Variants in NRXN1 observed in about 807,000 individuals in gnomAD.
NRXN1 encodes the protein neurexin 1.
A neutral mutation model predicts 150.9 loss-of-function variants in NRXN1; 39 were observed. The observed-to-expected ratio is 0.26, with a 90% CI of 0.20 to 0.34. The LOEUF (loss-of-function observed/expected upper bound fraction) is 0.34, where lower values mean the gene tolerates loss of function less well. Among genes scored for constraint, NRXN1 ranks in the 10% least tolerant of loss-of-function variants. The pLI, the probability that NRXN1 is intolerant of heterozygous loss-of-function variation, is 1.00. For missense variants in NRXN1, 1,815 were observed against 1,949.9 expected (o/e 0.93, Z 1.30); for synonymous variants, 924 against 757.0 (o/e 1.22, Z -3.62).
At position 50,618,103 on chromosome 2, in the gene NRXN1, T is replaced by C. The variant is rs140780831; in HGVS notation, c.1320+1919A>G. Among the ~76,000 whole-genome samples, 667 of 152,296 alleles carry C rather than the reference T, an allele frequency of 4.4e-3. 5 individuals carry two copies. Among genetic ancestry groups the C allele is most frequent in the Non-Finnish European group, 7.7e-3 (527 of 68,032 alleles). On this transcript the variant is annotated intron_variant, in intron 8 of 22. Coordinates refer to ENST00000401669, the MANE Select transcript of NRXN1 (RefSeq NM_001330078.2). ...CAATCTAAGCAGGATTACTCTTCTC[T>C]GTATAAAGCAGGATGTAGGGACTGA...
chr2:50,259,230 C>T lies in NRXN1; in HGVS notation c.3365-22260G>A, dbSNP rs373953003. Among the ~76,000 whole-genome samples, 15 of 152,064 alleles carry T rather than the reference C, an allele frequency of 9.9e-5. No homozygotes were observed. The South Asian group carries it at 2.7e-3, about 27-fold the overall frequency. ...AAACTATATAAAGCTGTTTTGTCTACACTGAAAATCTATTGAGTATAGTCA... is the reference window on the plus strand; with the variant it reads ...AAACTATATAAAGCTGTTTTGTCTATACTGAAAATCTATTGAGTATAGTCA... On this transcript the variant is annotated intron_variant, in intron 17 of 22. Transcript: ENST00000401669.
intron 17 of NRXN1, among the ~76,000 whole-genome samples, chr2:50,258,799 T>C (rs2067969148): frequency 1.3e-5 from 2 of 152,042 alleles, no homozygotes; most frequent in South Asian, 4.1e-4. Context: ...GGTTATAAAA[T>C]AGAAGTGTTA....
At chr2:51,025,057 T>G (rs1223882551) in intron 2 of NRXN1, among the ~76,000 whole-genome samples, 1 of 152,116 alleles carries the variant, frequency 6.6e-6, no homozygotes, top group Non-Finnish European at 1.5e-5. Flanking sequence ...ATAGGGAAAA[T>G]AAGCAAAATG....
intron 5 of NRXN1, among the ~76,000 whole-genome samples, chr2:50,676,721 T>C (rs1159559902): frequency 1.3e-5 from 2 of 152,154 alleles, no homozygotes; most frequent in African/African-American, 2.4e-5. Context: ...ATATAAGCAC[T>C]AAAGAGTTCC....
chr2:50,440,457 A>T (rs1445180230), intron 17 of NRXN1, among the ~76,000 whole-genome samples: 1 of 152,040 alleles, frequency 6.6e-6, no homozygotes, highest in Non-Finnish European at 1.5e-5. Flanking sequence ...AACTGATTGT[A>T]TCTCTGCCCT....
chr2:50,375,061 A>T (rs2080381988), intron 17 of NRXN1, among the ~76,000 whole-genome samples: 1 of 152,126 alleles, frequency 6.6e-6, no homozygotes, highest in Admixed American at 6.5e-5. Context: ...GGGCATAAAA[A>T]TTTGTTTATA....
chr2:50,152,949 ATGTG>A (rs749899366), intron 18 of NRXN1, among the ~76,000 whole-genome samples: 5 of 151,488 alleles, frequency 3.3e-5, no homozygotes, highest in Admixed American at 6.6e-5. Flanking sequence ...GACTTCCAAA[ATGTG>A]TGTGTTCATT....
chr2:50,753,878 T>C (rs570539629), intron 5 of NRXN1, among the ~76,000 whole-genome samples: 14 of 149,572 alleles, frequency 9.4e-5, no homozygotes, highest in South Asian at 2.1e-4. Context: ...CAAACATAAA[T>C]TGGTAAAACC....
At chr2:50,646,708 C>CTTTTTTTTTT (rs552231598) in intron 5 of NRXN1, among the ~76,000 whole-genome samples, 9 of 107,398 alleles carry the variant, frequency 8.4e-5, no homozygotes, top group Non-Finnish European at 1.1e-4. Flanking sequence ...TTCATGTTGT[C>CTTTTTTTTTT]TTTTTTTTTT....
chr2:50,723,179 C>T (rs1005163814), intron 5 of NRXN1, among the ~76,000 whole-genome samples: 2 of 152,044 alleles, frequency 1.3e-5, no homozygotes, highest in African/African-American at 4.8e-5. Flanking sequence ...AAGAATCCTC[C>T]AAGATCTATA....
intron 2 of NRXN1, among the ~76,000 whole-genome samples, chr2:50,996,167 T>C (rs1206687406): frequency 6.6e-6 from 1 of 152,066 alleles, no homozygotes; most frequent in African/African-American, 2.4e-5. Flanking sequence ...TCTCAAAAGA[T>C]GTTAAATGGG....
intron 5 of NRXN1, among the ~76,000 whole-genome samples, chr2:50,732,999 G>A (rs1698286579): frequency 6.6e-6 from 1 of 152,228 alleles, no homozygotes; most frequent in Admixed American, 6.5e-5. Context: ...TTTCAAACCA[G>A]ACACTATTCC....
chr2:50,575,247 C>T (rs921075995), intron 8 of NRXN1, among the ~76,000 whole-genome samples: 2 of 152,154 alleles, frequency 1.3e-5, no homozygotes, highest in African/African-American at 4.8e-5. Flanking sequence ...TCGGAAAACT[C>T]AGTAATTGAG....
At chr2:51,030,711 G>C (rs1426993153) in intron 1 of NRXN1, among the ~76,000 whole-genome samples, 1 of 152,112 alleles carries the variant, frequency 6.6e-6, no homozygotes, top group Non-Finnish European at 1.5e-5. Flanking sequence ...CAAACCCGAG[G>C]AAAGAGGCTC....
chr2:50,625,862 C>T (rs1457298719), intron 5 of NRXN1, among the ~76,000 whole-genome samples: 1 of 152,032 alleles, frequency 6.6e-6, no homozygotes, highest in Non-Finnish European at 1.5e-5. Context: ...TAGTCAATGT[C>T]TTCCTGCTTG....
intron 19 of NRXN1, among the ~76,000 whole-genome samples, chr2:50,060,714 T>C (rs1694395410): frequency 6.6e-6 from 1 of 152,158 alleles, no homozygotes; most frequent in African/African-American, 2.4e-5. Flanking sequence ...TGAATAAGTG[T>C]CATGAGACCT....
At chr2:50,932,398 C>G (rs532620006) in intron 2 of NRXN1, among the ~76,000 whole-genome samples, 1 of 152,102 alleles carries the variant, frequency 6.6e-6, no homozygotes, top group South Asian at 2.1e-4. Context: ...TGTATTAGGT[C>G]AATCTCTTGA....
At chr2:50,249,840 G>A (rs971219364) in intron 17 of NRXN1, among the ~76,000 whole-genome samples, 3 of 151,958 alleles carry the variant, frequency 2.0e-5, no homozygotes, top group African/African-American at 7.3e-5. Context: ...GTTTCACCAT[G>A]TTGGCCAGGC....
intron 2 of NRXN1, among the ~76,000 whole-genome samples, chr2:50,947,091 T>C (rs1690513908): frequency 6.6e-6 from 1 of 152,144 alleles, no homozygotes; most frequent in African/African-American, 2.4e-5. Context: ...GTTTCTTTCA[T>C]TTGCAACCAG....
Sources: allele counts gnomAD v4.1 joint callset (sites outside exome capture counted in the v4.1 genomes callset), GRCh38; gene constraint gnomAD v4.1.1; transcripts MANE v1.5; gene names NCBI Gene and HGNC (gene_info 2026-07-23, HGNC 2026-07-21).